Variants in PLCL1 observed in about 807,000 individuals in gnomAD.
PLCL1 encodes phospholipase C like 1 (inactive).
PLCL1 carries 41 observed loss-of-function variants against 84.4 expected under a neutral mutation model. The observed-to-expected ratio is 0.49, with a 90% CI of 0.38 to 0.63. The LOEUF (loss-of-function observed/expected upper bound fraction) is 0.63. PLCL1 is among the 30% of genes least tolerant of loss of function. PLCL1 has a pLI of 0.00. For missense variants in PLCL1, 1,206 were observed against 1,367.8 expected, an observed-to-expected ratio of 0.88 and a Z score of 1.87; for synonymous variants, 490 against 488.3, an observed-to-expected ratio of 1.00 and a Z score of -0.05.
rs546299850 is a variant in PLCL1 at position 198,118,053 on chromosome 2, A to G, written c.3105+14117A>G. Among the ~76,000 whole-genome samples, 5 of 152,050 alleles carry G rather than the reference A, an allele frequency of 3.3e-5. No homozygotes were observed. The South Asian group carries it at 8.3e-4, about 25-fold the overall frequency. On this transcript the variant is annotated intron_variant, in intron 5 of 5. Transcript: ENST00000428675. ...AAACCCTGCTTATTGTAAGCTCTGTAATAATACATGTAGATATGATAATAA... is the reference window on the plus strand; with the variant it reads ...AAACCCTGCTTATTGTAAGCTCTGTGATAATACATGTAGATATGATAATAA...
chr2:197,908,179 G>T (rs1413852669), intron 1 of PLCL1, among the ~76,000 whole-genome samples: 3 of 152,180 alleles, frequency 2.0e-5, no homozygotes, highest in African/African-American at 7.2e-5. Context: ...AAAAAATAAG[G>T]ATTTAGTTTT....
At chr2:197,838,561 G>GA (rs1188209926) in intron 1 of PLCL1, among the ~76,000 whole-genome samples, 2 of 151,842 alleles carry the variant, frequency 1.3e-5, no homozygotes, top group Admixed American at 6.6e-5. Flanking sequence ...GTTTCTTTTA[G>GA]AAAAAAAATC....
At chr2:197,808,054 T>G (rs1290938284) in intron 1 of PLCL1, among the ~76,000 whole-genome samples, 1 of 152,230 alleles carries the variant, frequency 6.6e-6, no homozygotes, top group Non-Finnish European at 1.5e-5. Flanking sequence ...TCAGAAATTC[T>G]TTCTACTGAC....
chr2:197,849,796 T>A (rs960456648), intron 1 of PLCL1, among the ~76,000 whole-genome samples: 1 of 152,136 alleles, frequency 6.6e-6, no homozygotes, highest in Admixed American at 6.5e-5. Flanking sequence ...TCCTTTAGGA[T>A]CTGTAGAACT....
At chr2:197,912,761 AGGAAGG>A (rs1688508596) in intron 1 of PLCL1, among the ~76,000 whole-genome samples, 1 of 110,682 alleles carries the variant, frequency 9.0e-6, no homozygotes, top group Non-Finnish European at 1.7e-5. Context: ...ACATGGACAC[AGGAAGG>A]GGAATATCAC....
At chr2:197,835,225 C>T (rs949182699) in intron 1 of PLCL1, among the ~76,000 whole-genome samples, 1 of 152,052 alleles carries the variant, frequency 6.6e-6, no homozygotes, top group African/African-American at 2.4e-5. Flanking sequence ...CTGCAAACCA[C>T]CATGGCATGT....
At chr2:198,068,319 A>G (rs1692366657) in intron 1 of PLCL1, among the ~76,000 whole-genome samples, 2 of 152,352 alleles carry the variant, frequency 1.3e-5, no homozygotes, top group South Asian at 4.1e-4. Context: ...GAGATCTAAA[A>G]GATGAAACAT....
At chr2:197,816,389 G>A (rs1690689603) in intron 1 of PLCL1, among the ~76,000 whole-genome samples, 3 of 152,148 alleles carry the variant, frequency 2.0e-5, no homozygotes, top group Non-Finnish European at 4.4e-5. Context: ...CTACTGTATA[G>A]TGTAAACATA....
chr2:197,991,319 C>T (rs1690343058), intron 1 of PLCL1, among the ~76,000 whole-genome samples: 1 of 152,152 alleles, frequency 6.6e-6, no homozygotes, highest in Admixed American at 6.5e-5. Context: ...CACTGGCTTT[C>T]CTGGGATTCC....
intron 1 of PLCL1, among the ~76,000 whole-genome samples, chr2:197,911,064 C>T (rs916176320): frequency 3.3e-5 from 5 of 152,150 alleles, no homozygotes; most frequent in African/African-American, 7.2e-5. Flanking sequence ...TCCAAAAGCA[C>T]ACTGATTCAG....
At chr2:197,903,056 G>A (rs1167857125) in intron 1 of PLCL1, among the ~76,000 whole-genome samples, 2 of 152,142 alleles carry the variant, frequency 1.3e-5, no homozygotes, top group Non-Finnish European at 2.9e-5. Flanking sequence ...TGGTCCATCA[G>A]TGAGCCAACA....
intron 1 of PLCL1, among the ~76,000 whole-genome samples, chr2:197,940,107 T>A (rs958977262): frequency 6.2e-5 from 9 of 145,208 alleles, no homozygotes; most frequent in African/African-American, 2.6e-4. Context: ...CTCCAAATTG[T>A]TTTTTTTGAA....
At chr2:197,967,397 A>G (rs927362576) in intron 1 of PLCL1, among the ~76,000 whole-genome samples, 3 of 152,114 alleles carry the variant, frequency 2.0e-5, no homozygotes, top group African/African-American at 7.2e-5. Context: ...GGGTTTCACC[A>G]TGTTGGCCAG....
intron 1 of PLCL1, among the ~76,000 whole-genome samples, chr2:197,869,678 C>T (rs1226326676): frequency 6.6e-6 from 1 of 152,168 alleles, no homozygotes; most frequent in Admixed American, 6.6e-5. Flanking sequence ...TGAGCCATCA[C>T]TGGTGCAGAG....
chr2:198,119,215 C>G (rs1693816185), intron 5 of PLCL1, among the ~76,000 whole-genome samples: 1 of 140,186 alleles, frequency 7.1e-6, no homozygotes, highest in Non-Finnish European at 1.6e-5. Flanking sequence ...ATACATCCTT[C>G]TTGTGTAAGA....
At chr2:197,870,341 A>G (rs1425680878) in intron 1 of PLCL1, among the ~76,000 whole-genome samples, 1 of 152,128 alleles carries the variant, frequency 6.6e-6, no homozygotes, top group Non-Finnish European at 1.5e-5. Flanking sequence ...TTATCTAGTC[A>G]CATCTTCATG....
chr2:197,987,878 A>C (rs1217517844), intron 1 of PLCL1, among the ~76,000 whole-genome samples: 1 of 152,186 alleles, frequency 6.6e-6, no homozygotes, highest in Non-Finnish European at 1.5e-5. Flanking sequence ...GGTCACTGTA[A>C]ACTGAATGAA....
At chr2:197,939,977 G>T (rs545128933) in intron 1 of PLCL1, among the ~76,000 whole-genome samples, 38 of 152,050 alleles carry the variant, frequency 2.5e-4, no homozygotes, top group Non-Finnish European at 4.4e-4. Flanking sequence ...ATCCGTGTGG[G>T]GTGGGATGTT....
chr2:197,958,964 G>A (rs1404169204), intron 1 of PLCL1, among the ~76,000 whole-genome samples: 2 of 151,876 alleles, frequency 1.3e-5, no homozygotes. Flanking sequence ...GCATGCATAA[G>A]GATCATCTTG....
Sources: gnomAD v4.1 joint callset for allele counts (sites outside exome capture counted in the v4.1 genomes callset) on GRCh38, gnomAD v4.1.1 for gene constraint, MANE v1.5 for transcripts, NCBI Gene and HGNC (gene_info 2026-07-23, HGNC 2026-07-21) for gene names.